Variants in SLC71A2 observed in about 807,000 individuals in gnomAD.
SLC71A2 encodes the protein hippocampus abundant transcript-like 1.
chr9:94,438,218 A>G, the SLC71A2 span, among the ~76,000 whole-genome samples: 1 of 152,126 alleles, frequency 6.6e-6, no homozygotes, highest in Admixed American at 6.5e-5. Flanking sequence ...GATTACAGGC[A>G]TGAGCCACCA....
chr9:94,415,428 A>C, the SLC71A2 span, among the ~76,000 whole-genome samples: 1 of 151,970 alleles, frequency 6.6e-6, no homozygotes. Flanking sequence ...CATGTAACAC[A>C]AAACACCTCT....
the SLC71A2 span, among the ~76,000 whole-genome samples, chr9:94,410,364 A>G: frequency 6.6e-6 from 1 of 152,050 alleles, no homozygotes. Context: ...GAGCCTCACA[A>G]AGTGCCAGGA....
chr9:94,395,724 T>C, the SLC71A2 span, among the ~76,000 whole-genome samples: 1 of 152,202 alleles, frequency 6.6e-6, no homozygotes, highest in Non-Finnish European at 1.5e-5. Context: ...TTGACCACAG[T>C]TGGGCCATGT....
At chr9:94,441,281 C>T in the SLC71A2 span, among the ~76,000 whole-genome samples, 1 of 152,052 alleles carries the variant, frequency 6.6e-6, no homozygotes, top group Non-Finnish European at 1.5e-5. Context: ...ATAAAGGAGG[C>T]ATAGAGGCTT....
At chr9:94,375,743 T>G in the SLC71A2 span, among the ~76,000 whole-genome samples, 1 of 151,094 alleles carries the variant, frequency 6.6e-6, no homozygotes, top group Non-Finnish European at 1.5e-5. Flanking sequence ...ATACATGTTT[T>G]TGGCTTTAGA....
At chr9:94,388,020 G>A in the SLC71A2 span, among the ~76,000 whole-genome samples, 1 of 152,164 alleles carries the variant, frequency 6.6e-6, no homozygotes, top group Non-Finnish European at 1.5e-5. Context: ...GATCTTTGAA[G>A]TACTTAAGTA....
chr9:94,450,493 C>CTTTTTTTTTTTTTTTTTTTTTTTT, the SLC71A2 span, among the ~76,000 whole-genome samples: 25 of 102,018 alleles, frequency 2.5e-4, 3 homozygotes, highest in African/African-American at 5.6e-4. Context: ...AATAATGTAA[C>CTTTTTTTTTTTTTTTTTTTTTTTT]TTTTTTTTTT....
the SLC71A2 span, among the ~76,000 whole-genome samples, chr9:94,378,289 A>G: frequency 6.6e-6 from 1 of 151,904 alleles, no homozygotes; most frequent in Non-Finnish European, 1.5e-5. Context: ...AAAGCTTGCA[A>G]TCAGGACAGA....
the SLC71A2 span, among the ~76,000 whole-genome samples, chr9:94,402,742 C>A: frequency 6.6e-6 from 1 of 152,146 alleles, no homozygotes; most frequent in African/African-American, 2.4e-5. Flanking sequence ...TGTGGCATGA[C>A]TTTAGTCTTG....
the SLC71A2 span, among the ~76,000 whole-genome samples, chr9:94,441,368 C>G: frequency 2.0e-4 from 30 of 152,242 alleles, no homozygotes; most frequent in African/African-American, 6.5e-4. Context: ...CTTCACATGA[C>G]TGGAGCAGGA....
At chr9:94,433,564 T>A in the SLC71A2 span, among the ~76,000 whole-genome samples, 1 of 151,080 alleles carries the variant, frequency 6.6e-6, no homozygotes. Context: ...TTGGGTACTT[T>A]TTATTATTTA....
the SLC71A2 span, among the ~76,000 whole-genome samples, chr9:94,414,442 C>A: frequency 6.6e-6 from 1 of 152,230 alleles, no homozygotes; most frequent in South Asian, 2.1e-4. Flanking sequence ...TAAAGTCATC[C>A]GAGCTGCCCC....
At chr9:94,435,239 T>C in the SLC71A2 span, among the ~76,000 whole-genome samples, 1 of 152,212 alleles carries the variant, frequency 6.6e-6, no homozygotes, top group Non-Finnish European at 1.5e-5. Context: ...TCTAATGACC[T>C]TAACTGTGTC....
chr9:94,450,086 C>CT, the SLC71A2 span, among the ~76,000 whole-genome samples: 1 of 152,160 alleles, frequency 6.6e-6, no homozygotes, highest in Non-Finnish European at 1.5e-5. Context: ...CTAATGGCTG[C>CT]TACGTTTCTT....
chr9:94,457,320 T>A, the SLC71A2 span, among the ~76,000 whole-genome samples: 1 of 152,144 alleles, frequency 6.6e-6, no homozygotes, highest in Non-Finnish European at 1.5e-5. Context: ...CTCTATCTCC[T>A]AATGGCTCAC....
chr9:94,390,430 G>C, the SLC71A2 span, among the ~76,000 whole-genome samples: 1 of 150,290 alleles, frequency 6.7e-6, no homozygotes, highest in Admixed American at 6.6e-5. Flanking sequence ...TTTTCTAGTC[G>C]GTAAAAGTAG....
chr9:94,459,595 CTTT>C, the SLC71A2 span: 1 of 457,434 alleles, frequency 2.2e-6, no homozygotes, highest in Non-Finnish European at 3.8e-6. Flanking sequence ...CTCTTACATT[CTTT>C]TTTTTTTTCC....
the SLC71A2 span, among the ~76,000 whole-genome samples, chr9:94,443,283 G>A: frequency 1.4e-4 from 21 of 152,090 alleles, no homozygotes; most frequent in African/African-American, 5.1e-4. Context: ...GCTGAAGTGT[G>A]CTCCCAGCCA....
At chr9:94,434,114 T>G in the SLC71A2 span, among the ~76,000 whole-genome samples, 3 of 152,056 alleles carry the variant, frequency 2.0e-5, no homozygotes, top group South Asian at 6.2e-4. Context: ...AAGAAAAAAT[T>G]GTGAAATAAC....
Sources: allele counts gnomAD v4.1 joint callset (sites outside exome capture counted in the v4.1 genomes callset), GRCh38; gene constraint gnomAD v4.1.1; transcripts MANE v1.5; gene names NCBI Gene and HGNC (gene_info 2026-07-23, HGNC 2026-07-21).